Variants in LRRC7 observed in about 807,000 individuals in gnomAD.
LRRC7 encodes the protein leucine rich repeat containing 7, also known as leucine-rich repeat-containing protein 7.
A neutral mutation model predicts 175.7 loss-of-function variants in LRRC7; 23 were observed. That is an observed-to-expected ratio of 0.13 (90% CI 0.09 to 0.19). LRRC7 has a LOEUF of 0.19. LRRC7 is among the 10% of genes least tolerant of loss of function. The pLI is 1.00. For missense variants in LRRC7, 1,354 were observed against 1,904.7 expected (o/e 0.71, Z 5.38); for synonymous variants, 685 against 680.9 (o/e 1.01, Z -0.09).
chr1:69,596,494 G>A (rs970813228), intron 1 of LRRC7, among the ~76,000 whole-genome samples: 3 of 152,152 alleles, frequency 2.0e-5, no homozygotes, highest in East Asian at 3.9e-4. Flanking sequence ...TCTAAATTCT[G>A]ATGATAAACC....
chr1:69,742,640 A>C (rs1668834887), intron 2 of LRRC7, among the ~76,000 whole-genome samples: 1 of 151,932 alleles, frequency 6.6e-6, no homozygotes, highest in African/African-American at 2.4e-5. Flanking sequence ...ATGTTTACTA[A>C]ATTTTGCAGT....
intron 8 of LRRC7, among the ~76,000 whole-genome samples, chr1:69,942,928 C>A (rs1277066508): frequency 6.6e-6 from 1 of 152,138 alleles, no homozygotes; most frequent in African/African-American, 2.4e-5. Flanking sequence ...GCTTTGAATG[C>A]AGACCAACAC....
intron 2 of LRRC7, among the ~76,000 whole-genome samples, chr1:69,705,915 T>C: frequency 6.6e-6 from 1 of 152,160 alleles, no homozygotes; most frequent in Admixed American, 6.6e-5. Flanking sequence ...GCTTCAAATA[T>C]TTTTGATCAA....
intron 1 of LRRC7, among the ~76,000 whole-genome samples, chr1:69,592,848 G>A (rs1186177493): frequency 6.6e-6 from 1 of 152,078 alleles, no homozygotes; most frequent in African/African-American, 2.4e-5. Flanking sequence ...GGTTGGGGAA[G>A]ATGAGTAATT....
intron 2 of LRRC7, among the ~76,000 whole-genome samples, chr1:69,727,051 A>C (rs1667057361): frequency 6.6e-6 from 1 of 152,192 alleles, no homozygotes; most frequent in Non-Finnish European, 1.5e-5. Context: ...CCTCAATGGA[A>C]CCTAAGGGTA....
At chr1:69,968,452 C>T (rs773966657) in intron 8 of LRRC7, among the ~76,000 whole-genome samples, 1 of 152,182 alleles carries the variant, frequency 6.6e-6, no homozygotes, top group African/African-American at 2.4e-5. Context: ...GCTCAAAGAA[C>T]ATCTGGGAAA....
chr1:70,029,890 A>G (rs1189160768), intron 18 of LRRC7, among the ~76,000 whole-genome samples: 1 of 152,180 alleles, frequency 6.6e-6, no homozygotes, highest in Non-Finnish European at 1.5e-5. Flanking sequence ...AACAAATCCA[A>G]AATTAGATTT....
At chr1:69,597,280 T>G (rs74631383) in intron 1 of LRRC7, among the ~76,000 whole-genome samples, 1 of 152,264 alleles carries the variant, frequency 6.6e-6, no homozygotes, top group East Asian at 1.9e-4. Flanking sequence ...ATTAATCTCA[T>G]TCCACCACAT....
rs1163643702 is a variant in LRRC7, at chr1:69,717,876, AAGAG to A, written c.100+39402_100+39405del. ...AAGGAAAGAAAGAAAGAAAGAAAGA[AAGAG>A]AGAAAAAGAGGAGGGAGGGAAGGAG... On this transcript the variant is annotated intron_variant, in intron 2 of 26. Transcript: ENST00000651989. Among the ~76,000 whole-genome samples the A allele has an allele frequency of 2.5e-4, 30 of 117,652 alleles. 4 individuals carry two copies. Among genetic ancestry groups the A allele is most frequent in the Non-Finnish European group, 2.1e-4 (11 of 52,518 alleles). 77.2% of individuals were successfully genotyped at this position (117,652 alleles called of 152,430 possible). A position where few individuals can be genotyped will look rare whatever the true frequency, so the allele number is the denominator to read the frequency against.
chr1:69,887,791 T>A (rs981993496), intron 7 of LRRC7, among the ~76,000 whole-genome samples: 1 of 146,386 alleles, frequency 6.8e-6, no homozygotes, highest in African/African-American at 2.6e-5. Flanking sequence ...TACAGATGGG[T>A]TTTTGGTGTG....
intron 1 of LRRC7, among the ~76,000 whole-genome samples, chr1:69,642,847 G>GATAGA (rs1393674416): frequency 1.3e-5 from 2 of 152,042 alleles, no homozygotes; most frequent in Non-Finnish European, 2.9e-5. Context: ...TAGATAGATA[G>GATAGA]ATAGATAGAT....
chr1:69,751,683 G>T (rs1387777151), intron 2 of LRRC7, among the ~76,000 whole-genome samples: 1 of 152,024 alleles, frequency 6.6e-6, no homozygotes, highest in Non-Finnish European at 1.5e-5. Flanking sequence ...CAGGGATGAT[G>T]GTCTATAGTA....
chr1:69,843,903 G>A (rs1163880408), intron 7 of LRRC7, among the ~76,000 whole-genome samples: 5 of 152,026 alleles, frequency 3.3e-5, no homozygotes, highest in Non-Finnish European at 7.4e-5. Context: ...TTGCTATAGA[G>A]GACATTTTTG....
chr1:69,782,663 T>C (rs1673905898), intron 3 of LRRC7, among the ~76,000 whole-genome samples: 1 of 152,124 alleles, frequency 6.6e-6, no homozygotes, highest in African/African-American at 2.4e-5. Context: ...GCGAAGAGCC[T>C]TGAAAGCCAC....
At chr1:69,912,721 G>T (rs1056951070) in intron 7 of LRRC7, among the ~76,000 whole-genome samples, 2 of 152,136 alleles carry the variant, frequency 1.3e-5, no homozygotes, top group African/African-American at 2.4e-5. Context: ...ATGAATAATT[G>T]GTTCTGGTTA....
intron 23 of LRRC7, among the ~76,000 whole-genome samples, chr1:70,053,736 A>G (rs1660919419): frequency 6.6e-6 from 1 of 152,170 alleles, no homozygotes; most frequent in African/African-American, 2.4e-5. Flanking sequence ...AACTTGGGAT[A>G]AGATACTTGC....
chr1:69,781,725 AAGAAAGAAAGAGAGAGAG>A (rs1384418041), intron 3 of LRRC7, among the ~76,000 whole-genome samples: 3 of 34,094 alleles, frequency 8.8e-5, no homozygotes, highest in African/African-American at 1.7e-4. Flanking sequence ...GAAAGAAAGA[AAGAAAGAAAGAGAGAGAG>A]AGAGAGAGAG....
chr1:69,746,959 G>A lies in LRRC7; in HGVS notation c.101-13232G>A, dbSNP rs1669321374. ...CTGTGAGAAAAGGATGTGTGGTTCTGGGACTCTTTCCTTGGCTTCTAGATA... is the reference window on the plus strand; with the variant it reads ...CTGTGAGAAAAGGATGTGTGGTTCTAGGACTCTTTCCTTGGCTTCTAGATA... On this transcript the variant is annotated intron_variant, in intron 2 of 26. Transcript: ENST00000651989. Among the ~76,000 whole-genome samples, 6 of 152,060 alleles carry A rather than the reference G, an allele frequency of 3.9e-5. No homozygotes were observed. The South Asian group carries it at 1.2e-3, about 32-fold the overall frequency.
At chr1:69,860,647 A>G (rs1431235204) in intron 7 of LRRC7, among the ~76,000 whole-genome samples, 1 of 152,060 alleles carries the variant, frequency 6.6e-6, no homozygotes, top group Non-Finnish European at 1.5e-5. Flanking sequence ...GTTCTAGAAA[A>G]AAAGCATTAA....
Sources: allele counts gnomAD v4.1 joint callset (sites outside exome capture counted in the v4.1 genomes callset), GRCh38; gene constraint gnomAD v4.1.1; transcripts MANE v1.5; gene names NCBI Gene and HGNC (gene_info 2026-07-23, HGNC 2026-07-21).